Variants in KSR2 observed in about 807,000 individuals in gnomAD.
KSR2 encodes kinase suppressor of ras 2.
A neutral mutation model predicts 107.8 loss-of-function variants in KSR2; 25 were observed. The observed-to-expected ratio is 0.23, with a 90% CI of 0.17 to 0.32. The LOEUF (loss-of-function observed/expected upper bound fraction) is 0.32. Ranked by LOEUF, KSR2 falls within the 10% of genes least tolerant of loss-of-function variation. The probability of loss-of-function intolerance (pLI) is 1.00; values close to 1 mark genes in which losing one functional copy is unlikely to be tolerated. For missense variants in KSR2, 887 were observed against 1,268.9 expected, an observed-to-expected ratio of 0.70 and a Z score of 4.57; for synonymous variants, 480 against 507.0, an observed-to-expected ratio of 0.95 and a Z score of 0.71.
chr12:117,483,946 C>T (rs763624987), intron 16 of KSR2, among the ~76,000 whole-genome samples: 11 of 152,156 alleles, frequency 7.2e-5, no homozygotes, highest in Admixed American at 1.3e-4. Context: ...AGACGTTGTT[C>T]GGCTTGATTA....
intron 4 of KSR2, among the ~76,000 whole-genome samples, chr12:117,721,379 T>C (rs1410276299): frequency 6.6e-6 from 1 of 152,224 alleles, no homozygotes; most frequent in Non-Finnish European, 1.5e-5. Context: ...TCCATAGTTG[T>C]AGAATAGTAT....
chr12:117,932,040 A>G (rs766513621), intron 1 of KSR2, among the ~76,000 whole-genome samples: 18 of 152,170 alleles, frequency 1.2e-4, no homozygotes, highest in Admixed American at 9.2e-4. Context: ...TAATACCAGC[A>G]CTTTGGGAGG....
rs1396838968 is a variant in KSR2 at position 117,570,576 on chromosome 12, G to A, written c.1325+8543C>T. Reference sequence around the variant, plus strand: ...ATGGGCTAAAATTTTCCAGAACTTCGATGTTGCTTCAACCCATGGAAGCGA... The same window carrying A: ...ATGGGCTAAAATTTTCCAGAACTTCAATGTTGCTTCAACCCATGGAAGCGA... On this transcript the variant is annotated intron_variant, in intron 7 of 19. Transcript: ENST00000339824. Among the ~76,000 whole-genome samples, 4 of 152,266 alleles carry A rather than the reference G, an allele frequency of 2.6e-5. No homozygotes were observed. In the South Asian group the frequency reaches 6.2e-4, roughly 24 times the overall value.
chr12:117,741,584 CTT>C (rs1888223679), intron 4 of KSR2, among the ~76,000 whole-genome samples: 1 of 152,138 alleles, frequency 6.6e-6, no homozygotes, highest in Non-Finnish European at 1.5e-5. Flanking sequence ...TCAAACATCT[CTT>C]GAGTCCAGAA....
rs76602617 is a variant in KSR2, at chr12:117,699,137, T to C, written c.987-31479A>G. Among the ~76,000 whole-genome samples, 15 of 152,338 alleles carry C rather than the reference T, an allele frequency of 9.8e-5. No individual in the cohort carries two copies. In the East Asian group the frequency reaches 2.9e-3, roughly 29 times the overall value. Reference sequence around the variant, plus strand: ...TGTGCCTTTTGTCTATCTCCCCTCATCAAGCTATATGAAGACAGGGCCTTT... The same window carrying C: ...TGTGCCTTTTGTCTATCTCCCCTCACCAAGCTATATGAAGACAGGGCCTTT... On this transcript the variant is annotated intron_variant, in intron 4 of 19. Coordinates refer to ENST00000339824, the MANE Select transcript of KSR2 (RefSeq NM_173598.6).
chr12:117,773,520 C>A (rs1314419763), intron 3 of KSR2, among the ~76,000 whole-genome samples: 1 of 152,140 alleles, frequency 6.6e-6, no homozygotes, highest in African/African-American at 2.4e-5. Flanking sequence ...AATTTCGGAG[C>A]CAGCATTGGA....
At chr12:117,555,932 G>A (rs1435688337) in intron 8 of KSR2, among the ~76,000 whole-genome samples, 2 of 152,048 alleles carry the variant, frequency 1.3e-5, no homozygotes, top group Non-Finnish European at 2.9e-5. Context: ...CAAATTTGAT[G>A]CCTGGTATTG....
chr12:117,921,318 T>C (rs1895337859), intron 1 of KSR2, among the ~76,000 whole-genome samples: 1 of 152,224 alleles, frequency 6.6e-6, no homozygotes. Context: ...CATGGTGGCA[T>C]ATATACTTAC....
intron 3 of KSR2, among the ~76,000 whole-genome samples, chr12:117,839,299 A>C (rs1048103756): frequency 6.6e-6 from 1 of 152,252 alleles, no homozygotes; most frequent in Non-Finnish European, 1.5e-5. Context: ...GTAGGAAATG[A>C]ACAAAGTGCT....
At chr12:117,769,984 G>A (rs1016436200) in intron 3 of KSR2, among the ~76,000 whole-genome samples, 1 of 151,918 alleles carries the variant, frequency 6.6e-6, no homozygotes, top group Non-Finnish European at 1.5e-5. Context: ...AACCTGGGAA[G>A]GTGAGGTTGC....
At chr12:117,529,267 G>A (rs2650167) in intron 12 of KSR2, among the ~76,000 whole-genome samples, 91,840 of 152,008 alleles carry the variant, frequency 0.6, 29,590 homozygotes, top group African/African-American at 0.85. Flanking sequence ...CCCAGGCTGG[G>A]GTGCAGTGGC....
At chr12:117,631,266 A>G (rs113838246) in intron 5 of KSR2, among the ~76,000 whole-genome samples, 1,944 of 152,246 alleles carry the variant, frequency 0.013, 49 homozygotes, top group African/African-American at 0.045. Context: ...ACTCCACTGT[A>G]CTCCAGCCTG....
Position 117,455,199 on chromosome 12 carries a change from C to CAG in KSR2, c.*11998_*11999dup, listed in dbSNP as rs754505332. The CAG allele has an allele frequency of 3.3e-5, 5 of 152,352 alleles. No homozygotes were observed. The highest frequency in any genetic ancestry group is 7.3e-5 in the Non-Finnish European group (5 of 68,152). The allele number at this position is 152,352 out of a possible 1,614,324, so 9.4% of individuals were successfully genotyped here. A position where few individuals can be genotyped will look rare whatever the true frequency, so the allele number is the denominator to read the frequency against. On this transcript the variant is annotated 3_prime_UTR_variant, in exon 20 of 20. Transcript: ENST00000339824. ...GGACACCAAGGCTAACAGTAGGAAC[C>CAG]AGAGCATGCTGGGGAAAGAAGTCAA... is the stretch of plus-strand genomic sequence containing the variant.
At chr12:117,543,711 A>C (rs978030876) in intron 9 of KSR2, among the ~76,000 whole-genome samples, 1 of 152,204 alleles carries the variant, frequency 6.6e-6, no homozygotes, top group Admixed American at 6.5e-5. Context: ...CTGCTGTAAC[A>C]AAGTACCATA....
chr12:117,544,336 T>C (rs893303407), intron 9 of KSR2, among the ~76,000 whole-genome samples: 2 of 152,180 alleles, frequency 1.3e-5, no homozygotes, highest in African/African-American at 4.8e-5. Flanking sequence ...ATAACTGATT[T>C]GGGCCAGGCA....
At chr12:117,483,649 G>A (rs553100748) in intron 16 of KSR2, among the ~76,000 whole-genome samples, 1 of 152,322 alleles carries the variant, frequency 6.6e-6, no homozygotes, top group South Asian at 2.1e-4. Context: ...AGATCAAGCT[G>A]TTTCTCATGT....
At chr12:117,478,683 T>C (rs1871960908) in intron 16 of KSR2, among the ~76,000 whole-genome samples, 1 of 152,138 alleles carries the variant, frequency 6.6e-6, no homozygotes, top group Non-Finnish European at 1.5e-5. Flanking sequence ...ACTCCTGGCC[T>C]CAAGGGATTG....
intron 10 of KSR2, among the ~76,000 whole-genome samples, chr12:117,535,494 G>T (rs1875978925): frequency 1.3e-5 from 2 of 152,084 alleles, no homozygotes; most frequent in Non-Finnish European, 2.9e-5. Context: ...ACACTCTCAT[G>T]AGCCCACATG....
At chr12:117,519,734 G>C (rs746325985) in intron 14 of KSR2, among the ~76,000 whole-genome samples, 33 of 152,022 alleles carry the variant, frequency 2.2e-4, no homozygotes, top group Non-Finnish European at 4.1e-4. Context: ...AAGAGAAGAT[G>C]GTGTGTAATT....
Sources: gnomAD v4.1 joint callset for allele counts (sites outside exome capture counted in the v4.1 genomes callset) on GRCh38, gnomAD v4.1.1 for gene constraint, MANE v1.5 for transcripts, NCBI Gene and HGNC (gene_info 2026-07-23, HGNC 2026-07-21) for gene names.